Variants in CSMD2 observed in about 807,000 individuals in gnomAD.
The protein encoded by CSMD2 is CUB and sushi domain-containing protein 2.
In CSMD2, 130 loss-of-function variants were observed where a neutral mutation model predicts 398.5. The observed-to-expected ratio is 0.33, with a 90% CI of 0.28 to 0.38. The LOEUF is 0.38. Ranked by LOEUF, CSMD2 falls within the 10% of genes least tolerant of loss-of-function variation. CSMD2 has a pLI of 1.00. For synonymous variants in CSMD2, 1,828 were observed against 1,908.5 expected (o/e 0.96, Z 1.10); for missense variants, 3,829 against 4,764.9 (o/e 0.80, Z 5.78).
At chr1:33,749,395 A>G (rs568248) in intron 13 of CSMD2, among the ~76,000 whole-genome samples, 12,184 of 152,192 alleles carry the variant, frequency 0.08, 546 homozygotes, top group Admixed American at 0.11. Context: ...CACTGCGCCC[A>G]GCCAATACAG....
At chr1:34,097,923 A>G (rs1382707072) in intron 1 of CSMD2, among the ~76,000 whole-genome samples, 10 of 127,698 alleles carry the variant, frequency 7.8e-5, no homozygotes, top group Non-Finnish European at 1.1e-4. Context: ...GTATATACCC[A>G]AAGGACTATA....
intron 5 of CSMD2, among the ~76,000 whole-genome samples, chr1:33,909,602 T>C (rs561429490): frequency 2.0e-5 from 3 of 152,172 alleles, no homozygotes; most frequent in East Asian, 3.9e-4. Context: ...GTTTGAATGA[T>C]TGAATGATGA....
intron 13 of CSMD2, among the ~76,000 whole-genome samples, chr1:33,759,883 A>G (rs951740676): frequency 6.6e-6 from 1 of 152,210 alleles, no homozygotes; most frequent in Non-Finnish European, 1.5e-5. Flanking sequence ...TGTCCCAAGC[A>G]AATAGGGATA....
At chr1:34,117,108 A>G (rs1661675343) in intron 1 of CSMD2, among the ~76,000 whole-genome samples, 1 of 152,132 alleles carries the variant, frequency 6.6e-6, no homozygotes, top group Non-Finnish European at 1.5e-5. Context: ...AACTAAACCT[A>G]GAGTTATCAA....
chr1:33,537,729 G>A lies in CSMD2; in HGVS notation c.9632-120C>T, dbSNP rs1570656710. The stretch of plus-strand genomic sequence containing the variant: ...CTTCCTGGTTGAGCTTGAACTCTGG[G>A]AACCGGGGCAGCCCCAGGTAGGTGC... On this transcript the variant is annotated intron_variant, in intron 60 of 70. Transcript: ENST00000373381. This position sits in a 1 kb window ranked among gnomAD's most constrained non-coding sequence, Gnocchi z 4.6. 2.7e-6 allele frequency: 3 copies of A among 1,103,208 alleles called. No individual in the cohort carries two copies. The highest frequency in any genetic ancestry group is 3.7e-6 in the Non-Finnish European group (3 of 801,458). 68.3% of individuals were successfully genotyped at this position (1,103,208 alleles called of 1,614,324 possible).
intron 44 of CSMD2, chr1:33,592,397 C>T (rs1465115360): frequency 2.8e-6 from 2 of 715,620 alleles, no homozygotes; most frequent in African/African-American, 3.5e-5. Flanking sequence ...CTGCAGTCAG[C>T]TCAGGTGTCC....
chr1:34,103,163 A>T (rs1660151466), intron 1 of CSMD2, among the ~76,000 whole-genome samples: 1 of 151,720 alleles, frequency 6.6e-6, no homozygotes, highest in Non-Finnish European at 1.5e-5. Context: ...CCTTCTGGGA[A>T]CCCTCAAGAC....
Position 33,706,300 on chromosome 1 carries a change from G to A in CSMD2, c.3576+2789C>T, listed in dbSNP as rs570689766. 4.0e-4 allele frequency among the ~76,000 whole-genome samples: 61 copies of A among 152,110 alleles called. 3 individuals are homozygous for A. In the South Asian group the frequency reaches 0.012, roughly 31 times the overall value. On this transcript the variant is annotated intron_variant, in intron 22 of 70. Transcript: ENST00000373381. ...CTTTTTCATTTCCTTATGAGATGTGGGAGAAATTCTCAAATTTATCTTTTA... is the reference window on the plus strand; with the variant it reads ...CTTTTTCATTTCCTTATGAGATGTGAGAGAAATTCTCAAATTTATCTTTTA...
chr1:34,021,338 C>G (rs901466216), intron 3 of CSMD2, among the ~76,000 whole-genome samples: 1 of 152,198 alleles, frequency 6.6e-6, no homozygotes, highest in East Asian at 1.9e-4. Context: ...TCACCTGACC[C>G]AAGGGCACAG....
At position 33,922,854 on chromosome 1, in the gene CSMD2, C is replaced by T. The variant is rs1419997173; in HGVS notation, c.713-4553G>A. On this transcript the variant is annotated intron_variant, in intron 4 of 70. Coordinates refer to ENST00000373381, the MANE Select transcript of CSMD2 (RefSeq NM_001281956.2). ...CTCCAAGTTAACCACAGCCATGAAG[C>T]CCCCTCCTGGTCTCCAAGCCTCCTT... Among the ~76,000 whole-genome samples the T allele has an allele frequency of 2.6e-5, 4 of 152,188 alleles. No homozygotes were observed. The East Asian group carries it at 5.8e-4, about 22-fold the overall frequency.
In CSMD2 at chr1:34,114,139, G is replaced by A. The variant is rs115786066; in HGVS notation, c.188-24946C>T. ...AGGGAGCAAGAAATTACAAACCCTTGAAGGAAAAACAAACAAGACCCAGTA... is the reference window on the plus strand; with the variant it reads ...AGGGAGCAAGAAATTACAAACCCTTAAAGGAAAAACAAACAAGACCCAGTA... On this transcript the variant is annotated intron_variant, in intron 1 of 70. Coordinates refer to ENST00000373381, the MANE Select transcript of CSMD2 (RefSeq NM_001281956.2). 5.9e-3 allele frequency among the ~76,000 whole-genome samples: 903 copies of A among 152,194 alleles called. 14 individuals carry two copies. Among genetic ancestry groups the A allele is most frequent in the African/African-American group, 0.021 (860 of 41,520 alleles).
At chr1:33,789,587 G>C (rs1006250333) in intron 11 of CSMD2, among the ~76,000 whole-genome samples, 4 of 152,244 alleles carry the variant, frequency 2.6e-5, no homozygotes, top group Non-Finnish European at 2.9e-5. Flanking sequence ...AGCACAGATG[G>C]AGGCAGGGGG....
Position 33,774,104 on chromosome 1 carries a change from G to A in CSMD2, c.1664-1353C>T, listed in dbSNP as rs1282667035. Among the ~76,000 whole-genome samples, 4 of 139,218 alleles carry A rather than the reference G, an allele frequency of 2.9e-5. No homozygotes were observed. In the East Asian group the frequency reaches 6.7e-4, roughly 23 times the overall value. 91.3% of individuals were successfully genotyped at this position (139,218 alleles called of 152,430 possible). A position where few individuals can be genotyped will look rare whatever the true frequency, so the allele number is the denominator to read the frequency against. ...GGCAGGACAAGGCATTCTATGGCTG[G>A]GATTGTGTGTGTGTGTGTGTGTGTG... On this transcript the variant is annotated intron_variant, in intron 12 of 70. Transcript: ENST00000373381.
At chr1:34,015,917 G>A (rs115696364) in intron 3 of CSMD2, among the ~76,000 whole-genome samples, 2,217 of 152,154 alleles carry the variant, frequency 0.015, 50 homozygotes, top group African/African-American at 0.051. Flanking sequence ...CCTGGGACAT[G>A]GGGCTCAAGA....
chr1:34,165,754 T>C, upstream of CSMD2: 1 of 1,613,920 alleles, frequency 6.2e-7, no homozygotes, highest in Non-Finnish European at 8.5e-7. Flanking sequence ...TACCAGCTGA[T>C]CTTGGGTGGT....
chr1:33,727,757 T>C (rs1304360966), intron 15 of CSMD2, among the ~76,000 whole-genome samples: 1 of 152,102 alleles, frequency 6.6e-6, no homozygotes, highest in Non-Finnish European at 1.5e-5. Context: ...GCTTCAGTGG[T>C]CTGTGTGAGA....
Position 33,668,767 on chromosome 1 carries a change from C to T in CSMD2, c.4053-5675G>A, listed in dbSNP as rs192564277. On this transcript the variant is annotated intron_variant, in intron 25 of 70. Coordinates refer to ENST00000373381, the MANE Select transcript of CSMD2 (RefSeq NM_001281956.2). Reference sequence around the variant, plus strand: ...TTGATGACTTGCTTGTCTGTGTGTGCGTTTCTTTGGACCACAAACACAAAA... The same window carrying T: ...TTGATGACTTGCTTGTCTGTGTGTGTGTTTCTTTGGACCACAAACACAAAA... Among the ~76,000 whole-genome samples the T allele has an allele frequency of 3.4e-4, 51 of 152,218 alleles. No homozygotes were observed. In the East Asian group the frequency reaches 8.1e-3, roughly 24 times the overall value.
intron 13 of CSMD2, among the ~76,000 whole-genome samples, chr1:33,747,844 G>A (rs1213395147): frequency 6.6e-6 from 1 of 152,120 alleles, no homozygotes; most frequent in East Asian, 1.9e-4. Flanking sequence ...CTGGGCTCAG[G>A]GCATCACCGA....
chr1:34,111,886 C>T (rs1011355053), intron 1 of CSMD2, among the ~76,000 whole-genome samples: 9 of 152,142 alleles, frequency 5.9e-5, no homozygotes, highest in Non-Finnish European at 8.8e-5. Context: ...AGACACGACT[C>T]CATTACAGCC....
Sources: gnomAD v4.1 joint callset for allele counts (sites outside exome capture counted in the v4.1 genomes callset) on GRCh38, gnomAD v4.1.1 for gene constraint, Gnocchi (gnomAD v3.1) non-coding constraint, MANE v1.5 for transcripts, NCBI Gene and HGNC (gene_info 2026-07-23, HGNC 2026-07-21) for gene names.